Variants in B4GALT1 observed in about 807,000 individuals in gnomAD.
B4GALT1 encodes the protein N-acetyllactosamine synthase.
A neutral mutation model predicts 34.9 loss-of-function variants in B4GALT1; 16 were observed. That is an observed-to-expected ratio of 0.46 (90% CI 0.31 to 0.70). B4GALT1 has a LOEUF of 0.70. Ranked by LOEUF, B4GALT1 falls within the 30% of genes least tolerant of loss-of-function variation. The pLI, the probability that B4GALT1 is intolerant of heterozygous loss-of-function variation, is 0.05. For synonymous variants in B4GALT1, 221 were observed against 218.1 expected, an observed-to-expected ratio of 1.01 and a Z score of -0.12; for missense variants, 445 against 530.5, an observed-to-expected ratio of 0.84 and a Z score of 1.58.
chr9:33,111,613 A>G lies in B4GALT1; in HGVS notation c.*1841T>C, dbSNP rs1311981484. ...GATGCGCAAAGCAGTAAAGGCACAG[A>G]TAAGACTGGGGCCAGGCACCAGCTC... is the stretch of plus-strand genomic sequence containing the variant. On this transcript the variant is annotated 3_prime_UTR_variant, in exon 6 of 6. Coordinates refer to ENST00000379731, the MANE Select transcript of B4GALT1 (RefSeq NM_001497.4). 1.3e-5 allele frequency: 2 copies of G among 152,714 alleles called. No individual in the cohort carries two copies. Among genetic ancestry groups the G allele is most frequent in the Non-Finnish European group, 1.5e-5 (1 of 68,068 alleles). 9.5% of individuals were successfully genotyped at this position (152,714 alleles called of 1,614,324 possible).
chr9:33,177,484 A>G, the B4GALT1 span: 2 of 152,188 alleles, frequency 1.3e-5, no homozygotes, highest in Non-Finnish European at 2.9e-5. Context: ...GTGAAAATGT[A>G]TTAGAACTCG....
intron 2 of B4GALT1, among the ~76,000 whole-genome samples, chr9:33,124,636 A>G (rs11792560): frequency 0.42 from 63,337 of 152,002 alleles, 15,184 homozygotes; most frequent in Admixed American, 0.55. Flanking sequence ...CATCTCAAAA[A>G]TGGGGCCCCA....
intron 3 of B4GALT1, among the ~76,000 whole-genome samples, chr9:33,118,107 A>C (rs1839965753): frequency 6.6e-6 from 1 of 152,196 alleles, no homozygotes; most frequent in African/African-American, 2.4e-5. Flanking sequence ...TCAGGGTATA[A>C]ACCTGTGTGT....
At chr9:33,125,724 G>A (rs1352813765) in intron 2 of B4GALT1, among the ~76,000 whole-genome samples, 1 of 152,180 alleles carries the variant, frequency 6.6e-6, no homozygotes, top group African/African-American at 2.4e-5. Flanking sequence ...TGTGGTTAAG[G>A]AAGGCAAGTG....
At chr9:33,126,948 T>C (rs1840118977) in intron 2 of B4GALT1, among the ~76,000 whole-genome samples, 1 of 150,012 alleles carries the variant, frequency 6.7e-6, no homozygotes, top group African/African-American at 2.5e-5. Flanking sequence ...TTTTTGTTTG[T>C]TTGTTTTTTT....
the B4GALT1 span, among the ~76,000 whole-genome samples, chr9:33,182,791 C>T: frequency 3.3e-5 from 5 of 152,082 alleles, no homozygotes; most frequent in African/African-American, 7.2e-5. Context: ...TTTTGACAAG[C>T]GAGATGATCT....
chr9:33,130,765 T>C (rs13299659), intron 2 of B4GALT1, among the ~76,000 whole-genome samples: 16,630 of 151,740 alleles, frequency 0.11, 1,006 homozygotes, highest in African/African-American at 0.15. Flanking sequence ...CACTCCACTA[T>C]CCATTACCCT....
chr9:33,127,940 G>C (rs1202765102), intron 2 of B4GALT1, among the ~76,000 whole-genome samples: 1 of 152,236 alleles, frequency 6.6e-6, no homozygotes, highest in Non-Finnish European at 1.5e-5. Context: ...AGACCCCAGG[G>C]CCTGAGGATG....
intron 3 of B4GALT1, among the ~76,000 whole-genome samples, chr9:33,116,519 A>C (rs10971415): frequency 0.1 from 5,281 of 51,744 alleles, 147 homozygotes; most frequent in Non-Finnish European, 0.15. Context: ...ACCAAACCGG[A>C]TCTTTTTTTT....
At chr9:33,162,469 A>T (rs973606347) in intron 1 of B4GALT1, among the ~76,000 whole-genome samples, 1 of 152,196 alleles carries the variant, frequency 6.6e-6, no homozygotes, top group Non-Finnish European at 1.5e-5. Flanking sequence ...GAACTGAAGG[A>T]ATGAAGTTAT....
chr9:33,181,839 C>T, the B4GALT1 span, among the ~76,000 whole-genome samples: 1 of 152,294 alleles, frequency 6.6e-6, no homozygotes, highest in Non-Finnish European at 1.5e-5. Context: ...ACTCCTCTAA[C>T]AAATTATCCA....
intron 1 of B4GALT1, among the ~76,000 whole-genome samples, chr9:33,147,760 T>C (rs1283698941): frequency 6.6e-6 from 1 of 152,144 alleles, no homozygotes; most frequent in South Asian, 2.1e-4. Flanking sequence ...AAATACAGCA[T>C]GAGCAAAGTG....
At chr9:33,107,105 C>T (rs1343046357), downstream of B4GALT1, among the ~76,000 whole-genome samples, 1 of 152,190 alleles carries the variant, frequency 6.6e-6, no homozygotes, top group Admixed American at 6.5e-5. Context: ...CTCATAACAA[C>T]CTCCTCTGCA....
At chr9:33,155,688 C>T (rs1041837481) in intron 1 of B4GALT1, among the ~76,000 whole-genome samples, 2 of 152,332 alleles carry the variant, frequency 1.3e-5, no homozygotes, top group South Asian at 2.1e-4. Flanking sequence ...CAGAGCCTCA[C>T]GCCTCTTCCT....
At chr9:33,173,416 C>CAAAAAAAAAAAAA in the B4GALT1 span, among the ~76,000 whole-genome samples, 4 of 101,222 alleles carry the variant, frequency 4.0e-5, no homozygotes, top group Non-Finnish European at 4.3e-5. Flanking sequence ...AAAAAAAAAG[C>CAAAAAAAAAAAAA]AAAAAAAAAA....
At chr9:33,163,622 A>C (rs1285764923) in intron 1 of B4GALT1, among the ~76,000 whole-genome samples, 1 of 152,188 alleles carries the variant, frequency 6.6e-6, no homozygotes, top group Non-Finnish European at 1.5e-5. Flanking sequence ...ACAGCTGGTC[A>C]AGTCCCATTG....
At chr9:33,151,784 AG>A (rs1840520586) in intron 1 of B4GALT1, among the ~76,000 whole-genome samples, 1 of 152,220 alleles carries the variant, frequency 6.6e-6, no homozygotes, top group Non-Finnish European at 1.5e-5. Flanking sequence ...ATAGATTTGG[AG>A]GAAAACTCTG....
At chr9:33,125,281 G>C (rs4879666) in intron 2 of B4GALT1, among the ~76,000 whole-genome samples, 1 of 152,004 alleles carries the variant, frequency 6.6e-6, no homozygotes, top group Non-Finnish European at 1.5e-5. Context: ...GTAAGGAAAA[G>C]AGAACAGCCA....
chr9:33,116,874 G>A (rs1004591430), intron 3 of B4GALT1, among the ~76,000 whole-genome samples: 4 of 152,124 alleles, frequency 2.6e-5, no homozygotes, highest in South Asian at 2.1e-4. Context: ...AGTTACAAGG[G>A]TTTTGTCTGT....
Sources: allele counts gnomAD v4.1 joint callset (sites outside exome capture counted in the v4.1 genomes callset), GRCh38; gene constraint gnomAD v4.1.1; transcripts MANE v1.5; gene names NCBI Gene and HGNC (gene_info 2026-07-23, HGNC 2026-07-21).